Variants in PDE5A observed in about 807,000 individuals in gnomAD.
PDE5A encodes phosphodiesterase 5A, also known as cGMP-specific 3',5'-cyclic phosphodiesterase.
PDE5A carries 67 observed loss-of-function variants against 110.2 expected under a neutral mutation model. That is an observed-to-expected ratio of 0.61 (90% CI 0.50 to 0.75). The LOEUF (loss-of-function observed/expected upper bound fraction) is 0.75, where lower values mean the gene tolerates loss of function less well. Among genes scored for constraint, PDE5A ranks in the 30% least tolerant of loss-of-function variants. PDE5A has a pLI of 0.00. For missense variants in PDE5A, 862 were observed against 1,045.1 expected (o/e 0.82, Z 2.42); for synonymous variants, 328 against 351.2 (o/e 0.93, Z 0.74).
At chr4:119,601,431 T>G (rs1402461337) in intron 2 of PDE5A, among the ~76,000 whole-genome samples, 1 of 152,120 alleles carries the variant, frequency 6.6e-6, no homozygotes, top group Non-Finnish European at 1.5e-5. Context: ...GCATAGAAGC[T>G]CTGCACACCA....
chr4:119,556,042 C>G (rs1315344230), intron 7 of PDE5A, among the ~76,000 whole-genome samples: 1 of 152,148 alleles, frequency 6.6e-6, no homozygotes, highest in Non-Finnish European at 1.5e-5. Flanking sequence ...GTCATAGGAG[C>G]TTACAATCTA....
rs1489757881 is a variant in PDE5A, at chr4:119,621,718, A to AATTC, written c.152+6798_152+6801dup. 3.9e-5 allele frequency among the ~76,000 whole-genome samples: 6 copies of AATTC among 152,316 alleles called. No individual in the cohort carries two copies. The East Asian group carries it at 7.7e-4, about 20-fold the overall frequency. ...TTTGGCAACATTATTTGATTAGCTA[A>AATTC]ATTCACAGCTAACCCAATCCCGCAA... On this transcript the variant is annotated intron_variant, in intron 1 of 20. Coordinates refer to ENST00000354960, the MANE Select transcript of PDE5A (RefSeq NM_001083.4).
rs200619248 is a variant in PDE5A, at chr4:119,519,085, C to T, written c.1960G>A (p.Asp654Asn). 4.3e-6 allele frequency: 7 copies of T among 1,613,796 alleles called. No homozygotes were observed. Among genetic ancestry groups the T allele is most frequent in the Admixed American group, 1.7e-5 (1 of 60,008 alleles). ...LALLIAALSH[D>N]LDHRGVNNSY... ...TTATTCACACCACGGTGATCCAAAT[C>T]GTGGCTTAGTGCAGCAATCAGCAAT... Residue 654 changes from aspartate (D) to asparagine (N), a missense_variant, in exon 14 of 21, where the codon GAT becomes AAT. Coordinates refer to ENST00000354960, the MANE Select transcript of PDE5A (RefSeq NM_001083.4).
intron 11 of PDE5A, among the ~76,000 whole-genome samples, chr4:119,529,185 T>C (rs1006332046): frequency 6.6e-6 from 1 of 152,114 alleles, no homozygotes; most frequent in African/African-American, 2.4e-5. Flanking sequence ...ATTAATAATC[T>C]CTCTCACAAG....
chr4:119,564,921 C>G (rs1232744404), intron 5 of PDE5A, among the ~76,000 whole-genome samples: 1 of 152,006 alleles, frequency 6.6e-6, no homozygotes, highest in Non-Finnish European at 1.5e-5. Flanking sequence ...ATAAAGAGAA[C>G]AGGGGATGCT....
At chr4:119,579,771 C>T (rs1728518707) in intron 3 of PDE5A, among the ~76,000 whole-genome samples, 2 of 151,716 alleles carry the variant, frequency 1.3e-5, no homozygotes, top group South Asian at 4.2e-4. Context: ...AGCACACCAA[C>T]ATGGCACATG....
chr4:119,565,268 G>GT (rs1255585965), intron 5 of PDE5A, 53 bp downstream of exon 5: 1 of 1,231,354 alleles, frequency 8.1e-7, no homozygotes, highest in Non-Finnish European at 1.2e-6. Context: ...GGATAAAAAT[G>GT]TAACAATTTT....
At chr4:119,506,508 C>T (rs1725558778) in intron 16 of PDE5A, among the ~76,000 whole-genome samples, 1 of 151,632 alleles carries the variant, frequency 6.6e-6, no homozygotes, top group Admixed American at 6.6e-5. Flanking sequence ...TTTCTTTTCG[C>T]AGTGTTTAAT....
intron 14 of PDE5A, among the ~76,000 whole-genome samples, chr4:119,517,358 G>A (rs1348594888): frequency 1.3e-5 from 2 of 151,758 alleles, no homozygotes. Context: ...GGGTCTCCTG[G>A]CTAAGAAAAT....
At chr4:119,585,775 A>G (rs189852931) in intron 3 of PDE5A, among the ~76,000 whole-genome samples, 109 of 152,260 alleles carry the variant, frequency 7.2e-4, no homozygotes, top group Non-Finnish European at 1.5e-3. Flanking sequence ...GAACGCCGGG[A>G]AAGTCGTAGT....
intron 7 of PDE5A, among the ~76,000 whole-genome samples, chr4:119,560,088 T>A (rs1727693832): frequency 6.7e-6 from 1 of 149,724 alleles, no homozygotes; most frequent in South Asian, 2.1e-4. Flanking sequence ...TAAATATAAA[T>A]ACTTAACAAA....
Position 119,627,328 on chromosome 4 carries a change from C to T in PDE5A, c.152+1192G>A. On this transcript the variant is annotated intron_variant, in intron 1 of 20. Coordinates refer to ENST00000354960, the MANE Select transcript of PDE5A (RefSeq NM_001083.4). The surrounding 1 kb of genome is among the most constrained non-coding windows in gnomAD (Gnocchi z 4.6). Reference sequence around the variant, plus strand: ...CGGCCTCCGCGCCGCCGCCCGTCGCCTCCCGCTCGCCCCGCGCTGCGCCGC... The same window carrying T: ...CGGCCTCCGCGCCGCCGCCCGTCGCTTCCCGCTCGCCCCGCGCTGCGCCGC... 5.2e-6 allele frequency: 6 copies of T among 1,149,950 alleles called. No individual in the cohort carries two copies. Among genetic ancestry groups the T allele is most frequent in the Non-Finnish European group, 6.5e-6 (6 of 927,890 alleles). The allele number at this position is 1,149,950 out of a possible 1,614,324, so 71.2% of individuals were successfully genotyped here.
At chr4:119,541,797 G>C (rs960216824) in intron 10 of PDE5A, 1 of 152,044 alleles carries the variant, frequency 6.6e-6, no homozygotes, top group Non-Finnish European at 1.5e-5. Flanking sequence ...AGTGTTCCTC[G>C]GTCAGTCCCT....
intron 1 of PDE5A, among the ~76,000 whole-genome samples, chr4:119,612,097 C>T (rs1248320469): frequency 2.6e-5 from 4 of 152,042 alleles, no homozygotes; most frequent in Non-Finnish European, 4.4e-5. Context: ...AATGTATGTC[C>T]CTACAAAATT....
Position 119,627,246 on chromosome 4 carries a change from C to G in PDE5A, c.152+1274G>C, listed in dbSNP as rs201214224. The G allele has an allele frequency of 9.3e-6, 15 of 1,604,580 alleles. No individual in the cohort carries two copies. The highest frequency in any genetic ancestry group is 1.2e-5 in the Non-Finnish European group (14 of 1,175,074). On this transcript the variant is annotated intron_variant, in intron 1 of 20. Transcript: ENST00000354960. This position sits in a 1 kb window ranked among gnomAD's most constrained non-coding sequence, Gnocchi z 4.6. ...CCAGGAGGCTCCGTAGGGGCAACAA[C>G]GCGCGCAGGTGAGGTGAGGTGAGGT...
intron 18 of PDE5A, among the ~76,000 whole-genome samples, chr4:119,503,692 C>T (rs1046610592): frequency 5.9e-5 from 9 of 152,092 alleles, no homozygotes; most frequent in African/African-American, 2.2e-4. Context: ...CATGTCAGTA[C>T]TCAAAATGCT....
At chr4:119,542,772 C>T in intron 9 of PDE5A, 138 bp from the exon 10 acceptor site, 1 of 693,824 alleles carries the variant, frequency 1.4e-6, no homozygotes, top group Non-Finnish European at 2.4e-6. Context: ...AAATTAACCC[C>T]CACAAATATA....
At chr4:119,560,432 T>G in intron 6 of PDE5A, 69 bp from the exon 7 acceptor site, 1 of 930,688 alleles carries the variant, frequency 1.1e-6, no homozygotes, top group Non-Finnish European at 1.6e-6. Context: ...GATACAGACA[T>G]ACATGCTATG....
intron 18 of PDE5A, among the ~76,000 whole-genome samples, chr4:119,504,235 G>T (rs1725478052): frequency 6.6e-6 from 1 of 152,032 alleles, no homozygotes; most frequent in East Asian, 1.9e-4. Context: ...GTTCATTAAG[G>T]ATAATTGGCC....
Sources: allele counts gnomAD v4.1 joint callset (sites outside exome capture counted in the v4.1 genomes callset), GRCh38; gene constraint gnomAD v4.1.1; non-coding constraint Gnocchi (gnomAD v3.1); transcripts MANE v1.5; gene names NCBI Gene and HGNC (gene_info 2026-07-23, HGNC 2026-07-21).